OR51B5: variants seen among roughly 807,000 people sequenced by gnomAD.
OR51B5 encodes olfactory receptor family 51 subfamily B member 5.
For missense variants in OR51B5, 456 were observed against 374.6 expected, an observed-to-expected ratio of 1.22 and a Z score of -1.79; for synonymous variants, 186 against 144.8, an observed-to-expected ratio of 1.28 and a Z score of -2.04.
upstream of OR51B5, among the ~76,000 whole-genome samples, chr11:5,344,699 T>G (rs941179154): frequency 6.6e-6 from 1 of 152,234 alleles, no homozygotes; most frequent in African/African-American, 2.4e-5. Flanking sequence ...ACCTAATATT[T>G]GTGAACACGC....
intron 1 of OR51B5, chr11:5,440,722 G>A (rs145392841): frequency 2.7e-5 from 43 of 1,613,950 alleles, no homozygotes; most frequent in African/African-American, 1.5e-4. Flanking sequence ...TTCCAGAAGC[G>A]GTGAATCATG....
At chr11:5,376,418 C>G (rs1392224177) in intron 1 of OR51B5, among the ~76,000 whole-genome samples, 1 of 151,906 alleles carries the variant, frequency 6.6e-6, no homozygotes, top group Non-Finnish European at 1.5e-5. Flanking sequence ...TAAGCAAGAG[C>G]AAACACATTC....
chr11:5,494,868 T>C (rs2133817299), intron 1 of OR51B5, among the ~76,000 whole-genome samples: 1 of 152,232 alleles, frequency 6.6e-6, no homozygotes, highest in Admixed American at 6.5e-5. Context: ...GGTAACTGGA[T>C]TGAGAAACAG....
rs575376910 is a variant in OR51B5 at position 5,372,095 on chromosome 11, A to G, written n.85-25185T>C. Among the ~76,000 whole-genome samples, 31 of 152,236 alleles carry G rather than the reference A, an allele frequency of 2.0e-4. No homozygotes were observed. The South Asian group carries it at 5.6e-3, about 27-fold the overall frequency. On this transcript the variant is annotated intron_variant and non_coding_transcript_variant, in intron 1 of 4. Transcript: ENST00000415970. Reference sequence around the variant, plus strand: ...TTTTAAGGCTGAATAATATTGTGATATCATACATACATATGACATATATCA... The same window carrying G: ...TTTTAAGGCTGAATAATATTGTGATGTCATACATACATATGACATATATCA...
intron 1 of OR51B5, chr11:5,454,395 A>G (rs1195449913): frequency 1.2e-6 from 2 of 1,608,192 alleles, no homozygotes; most frequent in African/African-American, 1.4e-5. Context: ...CCGCCGAGCC[A>G]TTTTCCGCAT....
rs1850467746 is a variant in OR51B5, at chr11:5,427,451, CATGAATT to C, written n.84+78111_84+78117del. Among the ~76,000 whole-genome samples the C allele has an allele frequency of 6.6e-5, 10 of 152,320 alleles. No individual in the cohort carries two copies. The South Asian group carries it at 1.2e-3, about 19-fold the overall frequency. ...ACAAGGGGAAAAGCCTTGAATGAACCATGAATTAGAGTTGAAGACATCAGTGTGATGT... is the reference window on the plus strand; with the variant it reads ...ACAAGGGGAAAAGCCTTGAATGAACCAGAGTTGAAGACATCAGTGTGATGT... On this transcript the variant is annotated intron_variant and non_coding_transcript_variant, in intron 1 of 4. Coordinates refer to the OR51B5 transcript ENST00000415970.
chr11:5,365,956 A>G (rs1227059419), intron 1 of OR51B5, among the ~76,000 whole-genome samples: 1 of 152,220 alleles, frequency 6.6e-6, no homozygotes. Context: ...CATGATCACC[A>G]GCACTGAGAA....
chr11:5,404,232 A>C (rs1255721171), intron 1 of OR51B5, among the ~76,000 whole-genome samples: 1 of 152,052 alleles, frequency 6.6e-6, no homozygotes, highest in African/African-American at 2.4e-5. Flanking sequence ...TAAATGCACC[A>C]ATCAGTTCTC....
chr11:5,356,251 C>G (rs1408738791), intron 1 of OR51B5, among the ~76,000 whole-genome samples: 1 of 151,932 alleles, frequency 6.6e-6, no homozygotes, highest in Non-Finnish European at 1.5e-5. Context: ...TAATGGCTAA[C>G]TAGAATAACC....
chr11:5,445,445 C>T (rs150091592), intron 1 of OR51B5, among the ~76,000 whole-genome samples: 1 of 152,080 alleles, frequency 6.6e-6, no homozygotes, highest in Admixed American at 6.6e-5. Context: ...TACTCCATTA[C>T]TATATGGAAC....
chr11:5,409,419 G>A (rs1850108996), intron 1 of OR51B5, among the ~76,000 whole-genome samples: 1 of 151,604 alleles, frequency 6.6e-6, no homozygotes, highest in Non-Finnish European at 1.5e-5. Context: ...AAAAAGTAAA[G>A]GAAAATGGGA....
At chr11:5,353,482 G>A (rs1323472978) in intron 1 of OR51B5, among the ~76,000 whole-genome samples, 1 of 152,052 alleles carries the variant, frequency 6.6e-6, no homozygotes, top group African/African-American at 2.4e-5. Flanking sequence ...GTGGAGAGTG[G>A]GGAGGAAGGG....
chr11:5,464,475 C>G (rs1404433708), intron 1 of OR51B5, among the ~76,000 whole-genome samples: 1 of 127,446 alleles, frequency 7.8e-6, no homozygotes, highest in Non-Finnish European at 1.6e-5. Context: ...TGTGATATTC[C>G]CCTTCCTGTG....
At chr11:5,345,173 T>G (rs1364908439), upstream of OR51B5, among the ~76,000 whole-genome samples, 1 of 152,208 alleles carries the variant, frequency 6.6e-6, no homozygotes, top group African/African-American at 2.4e-5. Flanking sequence ...GTAAAGACAT[T>G]AGGACACTTT....
At chr11:5,412,673 G>T (rs1252824508) in intron 1 of OR51B5, among the ~76,000 whole-genome samples, 1 of 152,136 alleles carries the variant, frequency 6.6e-6, no homozygotes, top group East Asian at 1.9e-4. Context: ...CTACGCCGAC[G>T]GAGTCTCGCT....
At chr11:5,363,344 T>G (rs552148427) in intron 1 of OR51B5, among the ~76,000 whole-genome samples, 1,513 of 24,778 alleles carry the variant, frequency 0.061, 43 homozygotes, top group Non-Finnish European at 0.094. Flanking sequence ...GGAATTACAG[T>G]TTTTTTTGGT....
At chr11:5,342,761 C>G (rs1403683895) in exon 1 of OR51B5, 1 of 1,613,586 alleles carries the variant, frequency 6.2e-7, no homozygotes. Flanking sequence ...CAGAGACAAT[C>G]CAATCACTGT....
chr11:5,374,684 A>T (rs972037749), intron 1 of OR51B5, among the ~76,000 whole-genome samples: 6 of 152,234 alleles, frequency 3.9e-5, no homozygotes, highest in Non-Finnish European at 7.3e-5. Flanking sequence ...GACGTGAAGA[A>T]TGGAGAAGCC....
At chr11:5,342,487 A>C, downstream of OR51B5, 1 of 1,393,418 alleles carries the variant, frequency 7.2e-7, no homozygotes, top group South Asian at 1.6e-5. Flanking sequence ...CTATTTTACC[A>C]AGTCATATGA....
Sources: allele counts gnomAD v4.1 joint callset (sites outside exome capture counted in the v4.1 genomes callset), GRCh38; gene constraint gnomAD v4.1.1; transcripts MANE v1.5; gene names NCBI Gene and HGNC (gene_info 2026-07-23, HGNC 2026-07-21).